DPYD: variants seen among roughly 807,000 people sequenced by gnomAD.
The protein encoded by DPYD is dihydropyrimidine dehydrogenase [NADP(+)].
A neutral mutation model predicts 116.2 loss-of-function variants in DPYD; 109 were observed. The observed-to-expected ratio is 0.94, with a 90% confidence interval of 0.80 to 1.10. The LOEUF (loss-of-function observed/expected upper bound fraction) is 1.10. DPYD is among the 50% of genes least tolerant of loss of function. The pLI, the probability that DPYD is intolerant of heterozygous loss-of-function variation, is 0.00. For synonymous variants in DPYD, 440 were observed against 432.0 expected (o/e 1.02, Z -0.23); for missense variants, 1,302 against 1,254.5 (o/e 1.04, Z -0.57).
chr1:97,916,603 C>T (rs1280879999), intron 1 of DPYD, among the ~76,000 whole-genome samples: 1 of 152,174 alleles, frequency 6.6e-6, no homozygotes, highest in Admixed American at 6.5e-5. Flanking sequence ...TCAGTCAACA[C>T]CATTTGCTAT....
intron 16 of DPYD, among the ~76,000 whole-genome samples, chr1:97,363,433 C>G (rs2101444491): frequency 6.6e-6 from 1 of 152,146 alleles, no homozygotes; most frequent in East Asian, 1.9e-4. Context: ...ATCATTTGAC[C>G]CAGTGATCCC....
intron 16 of DPYD, among the ~76,000 whole-genome samples, chr1:97,358,436 C>T (rs949612859): frequency 6.6e-6 from 1 of 152,302 alleles, no homozygotes; most frequent in East Asian, 1.9e-4. Flanking sequence ...TCTGACAGCT[C>T]TGAAGAGAGC....
intron 16 of DPYD, among the ~76,000 whole-genome samples, chr1:97,328,469 C>G (rs1668816990): frequency 6.6e-6 from 1 of 152,124 alleles, no homozygotes; most frequent in Non-Finnish European, 1.5e-5. Flanking sequence ...TTTCCTCCAT[C>G]CACAATATCC....
At chr1:97,555,607 C>A (rs1486324605) in intron 11 of DPYD, among the ~76,000 whole-genome samples, 1 of 152,130 alleles carries the variant, frequency 6.6e-6, no homozygotes, top group Non-Finnish European at 1.5e-5. Context: ...CTCTTGCCCC[C>A]ACTGTCAGGA....
rs543003195 is a variant in DPYD at position 97,567,322 on chromosome 1, C to T, written c.1339+6438G>A. On this transcript the variant is annotated intron_variant, in intron 11 of 22. Transcript: ENST00000370192. Reference sequence around the variant, plus strand: ...AGGAACTGATGAGTGATTTAAAAACCTTTTTTTTTTTCCTGCAAACACTCC... The same window carrying T: ...AGGAACTGATGAGTGATTTAAAAACTTTTTTTTTTTTCCTGCAAACACTCC... Among the ~76,000 whole-genome samples, 21 of 147,958 alleles carry T rather than the reference C, an allele frequency of 1.4e-4. No homozygotes were observed. The East Asian group carries it at 4.1e-3, about 29-fold the overall frequency.
intron 20 of DPYD, among the ~76,000 whole-genome samples, chr1:97,176,354 G>T (rs1422155895): frequency 6.6e-6 from 1 of 152,140 alleles, no homozygotes; most frequent in Admixed American, 6.6e-5. Context: ...TTGCCCCTAT[G>T]GAGATGGAGA....
intron 3 of DPYD, among the ~76,000 whole-genome samples, chr1:97,775,962 G>A (rs368906103): frequency 1.3e-5 from 2 of 151,568 alleles, no homozygotes; most frequent in Non-Finnish European, 2.9e-5. Context: ...TTTTACTTAC[G>A]GTGGGTGCAT....
Position 97,691,775 on chromosome 1 carries a change from C to T in DPYD, c.704G>A (p.Arg235Gln), listed in dbSNP as rs755416212. The T allele has an allele frequency of 9.3e-6, 15 of 1,613,190 alleles. No homozygotes were observed. The highest frequency in any genetic ancestry group is 1.7e-4 in the Middle Eastern group (1 of 6,054). ...GLSTSEIPQFRLPYDVVNFEI... is the reference protein window; with the variant it reads ...GLSTSEIPQFQLPYDVVNFEI... ...AAAATTCACTACATCATACGGCAGCCGGAACTGAGGAATTTCAGAAGTACT... is the reference window on the plus strand; with the variant it reads ...AAAATTCACTACATCATACGGCAGCTGGAACTGAGGAATTTCAGAAGTACT... Residue 235 changes from arginine (R) to glutamine (Q), a missense_variant, in exon 7 of 23, where the codon CGG becomes CAG. Physicochemically the swap from Arg to Gln is conservative, Grantham distance 43. Coordinates refer to ENST00000370192, the MANE Select transcript of DPYD (RefSeq NM_000110.4).
At chr1:97,884,887 C>G (rs937672004) in intron 1 of DPYD, among the ~76,000 whole-genome samples, 1 of 151,860 alleles carries the variant, frequency 6.6e-6, no homozygotes, top group African/African-American at 2.4e-5. Context: ...ATTTTTAATT[C>G]CTAGTACTCT....
intron 4 of DPYD, among the ~76,000 whole-genome samples, chr1:97,725,817 G>C (rs961051805): frequency 6.6e-6 from 1 of 151,508 alleles, no homozygotes; most frequent in Admixed American, 6.6e-5. Flanking sequence ...TAGATCTGGG[G>C]GTCTGAGAGG....
chr1:97,308,631 T>C (rs963046496), intron 16 of DPYD, among the ~76,000 whole-genome samples: 1 of 151,844 alleles, frequency 6.6e-6, no homozygotes, highest in African/African-American at 2.4e-5. Context: ...ACTGTAACTA[T>C]TTATATTTTC....
At chr1:97,497,897 T>A (rs1390076932) in intron 13 of DPYD, among the ~76,000 whole-genome samples, 1 of 151,756 alleles carries the variant, frequency 6.6e-6, no homozygotes, top group Non-Finnish European at 1.5e-5. Context: ...AAGAAATATT[T>A]ATAATAGGTA....
intron 5 of DPYD, among the ~76,000 whole-genome samples, chr1:97,713,851 G>A (rs1270941095): frequency 6.6e-6 from 1 of 152,096 alleles, no homozygotes; most frequent in Non-Finnish European, 1.5e-5. Context: ...AATAGAAGTA[G>A]TATAGAGAAA....
intron 14 of DPYD, among the ~76,000 whole-genome samples, chr1:97,435,889 A>C (rs1265023553): frequency 6.6e-6 from 1 of 151,990 alleles, no homozygotes; most frequent in African/African-American, 2.4e-5. Flanking sequence ...CAATAAGCCC[A>C]AAAAAGAGTA....
chr1:97,663,183 T>C (rs1248338988), intron 8 of DPYD, among the ~76,000 whole-genome samples: 1 of 152,142 alleles, frequency 6.6e-6, no homozygotes, highest in African/African-American at 2.4e-5. Flanking sequence ...TCATATTATT[T>C]CCCCAGAACT....
chr1:97,573,457 T>C (rs573419579), intron 11 of DPYD, among the ~76,000 whole-genome samples: 3 of 152,118 alleles, frequency 2.0e-5, no homozygotes, highest in East Asian at 3.8e-4. Flanking sequence ...TCTAGTCTAA[T>C]TGAAGAAAAA....
chr1:97,715,584 T>C (rs1282487675), intron 5 of DPYD, among the ~76,000 whole-genome samples: 1 of 152,104 alleles, frequency 6.6e-6, no homozygotes, highest in African/African-American at 2.4e-5. Context: ...CCAGTTTGCC[T>C]GGGGTGGTGT....
At chr1:97,605,223 T>A (rs1312862787) in intron 8 of DPYD, among the ~76,000 whole-genome samples, 1 of 152,054 alleles carries the variant, frequency 6.6e-6, no homozygotes, top group African/African-American at 2.4e-5. Context: ...ATATCAGACA[T>A]CCTTATGTTC....
chr1:97,163,399 T>A (rs1191768502), intron 20 of DPYD, among the ~76,000 whole-genome samples: 1 of 152,134 alleles, frequency 6.6e-6, no homozygotes, highest in Non-Finnish European at 1.5e-5. Flanking sequence ...AAGAAAACAA[T>A]CTACTACCCA....
Sources: allele counts gnomAD v4.1 joint callset (sites outside exome capture counted in the v4.1 genomes callset), GRCh38; gene constraint gnomAD v4.1.1; transcripts MANE v1.5; gene names NCBI Gene and HGNC (gene_info 2026-07-23, HGNC 2026-07-21).